The following CCSER2 variants were observed in gnomAD, a reference collection of about 807,000 sequenced individuals.
CCSER2 encodes the protein serine-rich coiled-coil domain-containing protein 2.
Under a neutral mutation model 92.3 loss-of-function variants are expected in CCSER2, and 46 were observed. The ratio of observed to expected loss-of-function variants is 0.50; its 90% CI spans 0.39 to 0.64. The LOEUF (loss-of-function observed/expected upper bound fraction) is 0.64. Among genes scored for constraint, CCSER2 ranks in the 30% least tolerant of loss-of-function variants. The pLI, the probability that CCSER2 is intolerant of heterozygous loss-of-function variation, is 0.00. For synonymous variants in CCSER2, 433 were observed against 431.4 expected (o/e 1.00, Z -0.04); for missense variants, 1,244 against 1,238.9 (o/e 1.00, Z -0.06).
At position 84,332,406 on chromosome 10, in the gene CCSER2, ATT is replaced by A. The variant is rs1192301220; in HGVS notation, c.-40+3604_-40+3605del. 9.6e-3 allele frequency among the ~76,000 whole-genome samples: 925 copies of A among 96,188 alleles called. 9 individuals are homozygous for A. Among genetic ancestry groups the A allele is most frequent in the African/African-American group, 0.029 (717 of 24,626 alleles). The allele number at this position is 96,188 out of a possible 152,430, so 63.1% of individuals were successfully genotyped here. The stretch of plus-strand genomic sequence containing the variant: ...TTATAGATTTTATATTATTAAATTT[ATT>A]TTTTTATATATATATATATATATAT... On this transcript the variant is annotated intron_variant, in intron 1 of 9. Transcript: ENST00000372088.
At chr10:84,486,074 C>T (rs1351487693) in intron 9 of CCSER2, among the ~76,000 whole-genome samples, 1 of 152,158 alleles carries the variant, frequency 6.6e-6, no homozygotes, top group Non-Finnish European at 1.5e-5. Context: ...GACATGAACT[C>T]ATCCTTTTTT....
rs528658354 is a variant in CCSER2, at chr10:84,430,491, A to G, written c.1868+4598A>G. ...GCACTAGGGATAAGGGAATTACCGAACAAGCTTTGAATCAGCTCAAACCAA... is the reference window on the plus strand; with the variant it reads ...GCACTAGGGATAAGGGAATTACCGAGCAAGCTTTGAATCAGCTCAAACCAA... On this transcript the variant is annotated intron_variant, in intron 5 of 9. Transcript: ENST00000372088. Among the ~76,000 whole-genome samples the G allele has an allele frequency of 2.6e-5, 4 of 152,326 alleles. No individual in the cohort carries two copies. In the South Asian group the frequency reaches 8.3e-4, roughly 32 times the overall value.
chr10:84,467,820 A>G (rs1846539987), intron 7 of CCSER2, among the ~76,000 whole-genome samples: 2 of 152,312 alleles, frequency 1.3e-5, no homozygotes, highest in South Asian at 2.1e-4. Context: ...CTTTTCTCAC[A>G]TGCAGTGAAT....
chr10:84,408,405 C>T (rs925119061), intron 3 of CCSER2, among the ~76,000 whole-genome samples: 2 of 151,968 alleles, frequency 1.3e-5, no homozygotes, highest in Non-Finnish European at 2.9e-5. Context: ...GTTTGATTTT[C>T]TTTTTTTCCT....
chr10:84,412,955 A>G (rs1842726297), intron 3 of CCSER2, among the ~76,000 whole-genome samples: 1 of 152,076 alleles, frequency 6.6e-6, no homozygotes, highest in Non-Finnish European at 1.5e-5. Flanking sequence ...GTATTCTCTG[A>G]TGATTGTTTC....
At chr10:84,357,526 T>G (rs1055113956) in intron 1 of CCSER2, among the ~76,000 whole-genome samples, 2 of 148,548 alleles carry the variant, frequency 1.3e-5, no homozygotes, top group Non-Finnish European at 3.0e-5. Flanking sequence ...CTCGGCTCAC[T>G]GCAAGCTCTG....
chr10:84,377,050 CATAA>C (rs1156306321), intron 3 of CCSER2, among the ~76,000 whole-genome samples: 1 of 151,938 alleles, frequency 6.6e-6, no homozygotes, highest in Admixed American at 6.6e-5. Context: ...TATTTTTTGA[CATAA>C]ATATTTATTT....
chr10:84,438,762 G>T, intron 6 of CCSER2, 55 bp downstream of exon 6: 1 of 1,131,628 alleles, frequency 8.8e-7, no homozygotes, highest in Non-Finnish European at 1.2e-6. Context: ...AAAATGGATT[G>T]ACTTTAGTTT....
intron 1 of CCSER2, among the ~76,000 whole-genome samples, chr10:84,355,625 A>G (rs2133090319): frequency 6.6e-6 from 1 of 152,306 alleles, no homozygotes; most frequent in Admixed American, 6.5e-5. Context: ...TTTTATCCAC[A>G]ACCTCTATCT....
chr10:84,374,186 A>G (rs79276070), intron 3 of CCSER2, among the ~76,000 whole-genome samples: 2,254 of 152,086 alleles, frequency 0.015, 55 homozygotes, highest in African/African-American at 0.051. Context: ...GATGCCAAGG[A>G]TGTTGTTTAA....
intron 3 of CCSER2, among the ~76,000 whole-genome samples, chr10:84,411,466 C>T (rs1162229686): frequency 6.6e-6 from 1 of 152,072 alleles, no homozygotes; most frequent in Non-Finnish European, 1.5e-5. Flanking sequence ...TGTTTGTTTC[C>T]TCTCTGATTT....
chr10:84,428,319 A>G (rs1053759319), intron 5 of CCSER2, among the ~76,000 whole-genome samples: 3 of 152,118 alleles, frequency 2.0e-5, no homozygotes, highest in African/African-American at 4.8e-5. Context: ...TTCAACCTAG[A>G]TCCCTTGCAT....
chr10:84,434,838 C>G (rs1006892681), intron 5 of CCSER2, among the ~76,000 whole-genome samples: 2 of 152,038 alleles, frequency 1.3e-5, no homozygotes, highest in Admixed American at 6.6e-5. Context: ...GTAACTTGCC[C>G]TGTGTGTTGT....
chr10:84,482,014 A>AATTGACATCATTTGG (rs1296018206), intron 9 of CCSER2, among the ~76,000 whole-genome samples: 1 of 152,204 alleles, frequency 6.6e-6, no homozygotes, highest in Non-Finnish European at 1.5e-5. Context: ...ACATGTAGCT[A>AATTGACATCATTTGG]ATTGACATCA....
rs189544933 is a variant in CCSER2, at chr10:84,441,902, G to A, written c.2064+3195G>A. Among the ~76,000 whole-genome samples the A allele has an allele frequency of 7.2e-3, 1,090 of 151,528 alleles. 13 individuals are homozygous for A. Among genetic ancestry groups the A allele is most frequent in the African/African-American group, 0.026 (1,064 of 41,268 alleles). ...CTCCCTAGTAGCTGGGACTACAGGCGCCCACCACCACGCCCGGCTAATTTC... is the reference window on the plus strand; with the variant it reads ...CTCCCTAGTAGCTGGGACTACAGGCACCCACCACCACGCCCGGCTAATTTC... On this transcript the variant is annotated intron_variant, in intron 6 of 9. Coordinates refer to ENST00000372088, the MANE Select transcript of CCSER2 (RefSeq NM_001284240.2).
At chr10:84,457,038 T>A (rs1192162218) in intron 6 of CCSER2, among the ~76,000 whole-genome samples, 1 of 150,336 alleles carries the variant, frequency 6.7e-6, no homozygotes, top group Non-Finnish European at 1.5e-5. Flanking sequence ...TTTGGGCAAC[T>A]ATGTACAATT....
rs1846102219 is a variant in CCSER2, at chr10:84,372,256, T to C, written c.1204T>C (p.Leu402=). ...DDVDDISLSS[L]SSSDKNDLSE... ...TGTGGATGACATTTCCTTGTCGTCT[T>C]TGTCATCTTCTGATAAGAATGATTT... Residue 402 remains leucine (L), a synonymous_variant, in exon 2 of 10, where the codon TTG becomes CTG. Coordinates refer to ENST00000372088, the MANE Select transcript of CCSER2 (RefSeq NM_001284240.2). 6.2e-7 allele frequency: 1 copy of C among 1,612,968 alleles called. No individual in the cohort carries two copies. The highest frequency in any genetic ancestry group is 8.5e-7 in the Non-Finnish European group (1 of 1,179,224).
At chr10:84,333,867 T>A (rs555281876) in intron 1 of CCSER2, among the ~76,000 whole-genome samples, 1 of 152,228 alleles carries the variant, frequency 6.6e-6, no homozygotes, top group Non-Finnish European at 1.5e-5. Flanking sequence ...TTTCACAGCG[T>A]TGACTGTGAT....
At chr10:84,444,242 G>T (rs1844770320) in intron 6 of CCSER2, among the ~76,000 whole-genome samples, 1 of 152,152 alleles carries the variant, frequency 6.6e-6, no homozygotes, top group South Asian at 2.1e-4. Flanking sequence ...GGTAGCTGGG[G>T]CATTGTTCTG....
Sources: allele counts gnomAD v4.1 joint callset (sites outside exome capture counted in the v4.1 genomes callset), GRCh38; gene constraint gnomAD v4.1.1; transcripts MANE v1.5; gene names NCBI Gene and HGNC (gene_info 2026-07-23, HGNC 2026-07-21).